Variants in PPP2R2C observed in about 807,000 individuals in gnomAD.
The protein encoded by PPP2R2C is protein phosphatase 2, regulatory subunit B, gamma.
A neutral mutation model predicts 45.3 loss-of-function variants in PPP2R2C; 10 were observed. The ratio of observed to expected loss-of-function variants is 0.22; its 90% CI spans 0.14 to 0.37. The LOEUF is 0.37. Ranked by LOEUF, PPP2R2C falls within the 10% of genes least tolerant of loss-of-function variation. The pLI is 1.00. For missense variants in PPP2R2C, 308 were observed against 619.7 expected, an observed-to-expected ratio of 0.50 and a Z score of 5.34; for synonymous variants, 257 against 245.4, an observed-to-expected ratio of 1.05 and a Z score of -0.44.
chr4:6,333,513 C>T, intron 7 of PPP2R2C, 49 bp downstream of exon 7: 1 of 1,594,064 alleles, frequency 6.3e-7, no homozygotes, highest in African/African-American at 1.3e-5. Flanking sequence ...GGGATCTCAG[C>T]ATAGGGAAAA....
chr4:6,477,730 C>CAAAAAAAA (rs5855918), intron 2 of PPP2R2C, among the ~76,000 whole-genome samples: 2 of 77,086 alleles, frequency 2.6e-5, no homozygotes, highest in African/African-American at 1.2e-4. Flanking sequence ...GACTCCGTCT[C>CAAAAAAAA]AAAAAAAAAA....
At chr4:6,422,355 G>GC (rs1719033177) in intron 1 of PPP2R2C, among the ~76,000 whole-genome samples, 1 of 152,228 alleles carries the variant, frequency 6.6e-6, no homozygotes, top group Admixed American at 6.5e-5. Flanking sequence ...CCGCCAGCAA[G>GC]CCCTGTGGCT....
chr4:6,391,872 C>T (rs1222956121), intron 1 of PPP2R2C, among the ~76,000 whole-genome samples: 1 of 152,238 alleles, frequency 6.6e-6, no homozygotes, highest in Admixed American at 6.5e-5. Flanking sequence ...CCCACCCTGA[C>T]CAGCTGTGTG....
In PPP2R2C at chr4:6,542,709, A is replaced by AAAAAAAAAAAAAAAAAG. The variant is rs112182178; in HGVS notation, c.-58-7333_-58-7332insCTTTTTTTTTTTTTTTT. Reference sequence around the variant, plus strand: ...CAGAGCAAGACTCTGTCTCAAAAAAAAAAAAGAAAAAGAAAAAAAGATCAT... The same window carrying AAAAAAAAAAAAAAAAAG: ...CAGAGCAAGACTCTGTCTCAAAAAAAAAAAAAAAAAAAAAAAGAAAAAGAAAAAGAAAAAAAGATCAT... On this transcript the variant is annotated intron_variant, in intron 1 of 9. Transcript: ENST00000506140. Among the ~76,000 whole-genome samples the AAAAAAAAAAAAAAAAAG allele has an allele frequency of 2.0e-3, 250 of 127,704 alleles. 4 individuals carry two copies. Among genetic ancestry groups the AAAAAAAAAAAAAAAAAG allele is most frequent in the Non-Finnish European group, 2.7e-3 (170 of 62,570 alleles). The allele number at this position is 127,704 out of a possible 152,430, so 83.8% of individuals were successfully genotyped here. A position where few individuals can be genotyped will look rare whatever the true frequency, so the allele number is the denominator to read the frequency against.
At chr4:6,333,106 G>A (rs1032752938) in intron 7 of PPP2R2C, among the ~76,000 whole-genome samples, 1 of 152,190 alleles carries the variant, frequency 6.6e-6, no homozygotes, top group Non-Finnish European at 1.5e-5. Flanking sequence ...CTGTGCTGAG[G>A]ATCTGGAAAG....
intron 1 of PPP2R2C, among the ~76,000 whole-genome samples, chr4:6,436,741 C>T (rs1195054388): frequency 6.6e-6 from 1 of 152,208 alleles, no homozygotes; most frequent in Non-Finnish European, 1.5e-5. Context: ...CTACTCAACC[C>T]TGCTGTTGTA....
chr4:6,528,238 C>T (rs1187919431), intron 2 of PPP2R2C, among the ~76,000 whole-genome samples: 10 of 152,242 alleles, frequency 6.6e-5, no homozygotes, highest in South Asian at 4.1e-4. Context: ...CCTGGCTCTC[C>T]GGAAGGCCAG....
intron 8 of PPP2R2C, among the ~76,000 whole-genome samples, chr4:6,327,942 G>A (rs532283678): frequency 6.8e-4 from 104 of 152,046 alleles, no homozygotes; most frequent in Non-Finnish European, 1.3e-3. Context: ...CTTCCAGGGG[G>A]CTCCCTCCTG....
chr4:6,440,031 C>T (rs1357133681), intron 1 of PPP2R2C, among the ~76,000 whole-genome samples: 2 of 152,168 alleles, frequency 1.3e-5, no homozygotes, highest in Admixed American at 6.5e-5. Context: ...ACACCTCCAC[C>T]GTTCCCCATC....
intron 1 of PPP2R2C, among the ~76,000 whole-genome samples, chr4:6,443,783 C>T (rs987378499): frequency 6.6e-6 from 1 of 152,162 alleles, no homozygotes; most frequent in African/African-American, 2.4e-5. Context: ...CACCGCCCCC[C>T]CGGAGTCCTT....
At chr4:6,435,460 G>A (rs1332890332) in intron 1 of PPP2R2C, among the ~76,000 whole-genome samples, 1 of 152,162 alleles carries the variant, frequency 6.6e-6, no homozygotes, top group Non-Finnish European at 1.5e-5. Flanking sequence ...AAGGCATTAT[G>A]TACAGTTGAT....
At chr4:6,442,454 CGT>C (rs1577185799) in intron 1 of PPP2R2C, among the ~76,000 whole-genome samples, 2 of 152,218 alleles carry the variant, frequency 1.3e-5, no homozygotes, top group Admixed American at 6.5e-5. Context: ...GCCACCAAGC[CGT>C]GACTGTGGTG....
chr4:6,479,683 C>G (rs1252475938), intron 2 of PPP2R2C, among the ~76,000 whole-genome samples: 1 of 151,880 alleles, frequency 6.6e-6, no homozygotes, highest in Non-Finnish European at 1.5e-5. Context: ...GTGTGTTATC[C>G]CAGGACCTTT....
chr4:6,456,008 C>T (rs1195033567), intron 1 of PPP2R2C, among the ~76,000 whole-genome samples: 4 of 152,208 alleles, frequency 2.6e-5, no homozygotes, highest in Non-Finnish European at 5.9e-5. Context: ...GAGCTGCGCC[C>T]TATTCCTTCT....
At chr4:6,335,238 A>G (rs1314185042) in intron 6 of PPP2R2C, among the ~76,000 whole-genome samples, 1 of 152,180 alleles carries the variant, frequency 6.6e-6, no homozygotes, top group African/African-American at 2.4e-5. Context: ...CTCCACCGCC[A>G]GGGAGCAGCA....
At chr4:6,348,201 C>G (rs1042831404) in intron 5 of PPP2R2C, among the ~76,000 whole-genome samples, 191 bp from the exon 6 acceptor site, 1 of 151,868 alleles carries the variant, frequency 6.6e-6, no homozygotes, top group Non-Finnish European at 1.5e-5. Context: ...TGCTGGCTAC[C>G]CCTTCTAGGT....
At chr4:6,488,520 CA>C (rs1722598628) in intron 2 of PPP2R2C, among the ~76,000 whole-genome samples, 1 of 151,800 alleles carries the variant, frequency 6.6e-6, no homozygotes, top group Non-Finnish European at 1.5e-5. Flanking sequence ...CCTGTCTCTA[CA>C]AAAAATGGAA....
chr4:6,363,270 T>C (rs960597545), intron 5 of PPP2R2C, among the ~76,000 whole-genome samples: 2 of 152,172 alleles, frequency 1.3e-5, no homozygotes, highest in East Asian at 3.9e-4. Flanking sequence ...GTAGTGTTTG[T>C]AGATATCTGT....
intron 2 of PPP2R2C, among the ~76,000 whole-genome samples, chr4:6,524,512 C>T (rs767125142): frequency 4.9e-4 from 75 of 152,304 alleles, no homozygotes; most frequent in Middle Eastern, 3.4e-3. Context: ...TAGGAATCCA[C>T]GTCTGCACCG....
Sources: gnomAD v4.1 joint callset for allele counts (sites outside exome capture counted in the v4.1 genomes callset) on GRCh38, gnomAD v4.1.1 for gene constraint, MANE v1.5 for transcripts, NCBI Gene and HGNC (gene_info 2026-07-23, HGNC 2026-07-21) for gene names.